GRM8: variants seen among roughly 807,000 people sequenced by gnomAD.
GRM8 encodes metabotropic glutamate receptor 8.
GRM8 carries 47 observed loss-of-function variants against 87.2 expected under a neutral mutation model. The ratio of observed to expected loss-of-function variants is 0.54; its 90% CI spans 0.43 to 0.69. GRM8 has a LOEUF of 0.69. Ranked by LOEUF, GRM8 falls within the 30% of genes least tolerant of loss-of-function variation. The probability of loss-of-function intolerance (pLI) is 0.00; values close to 1 mark genes in which losing one functional copy is unlikely to be tolerated. For synonymous variants in GRM8, 396 were observed against 404.5 expected (o/e 0.98, Z 0.25); for missense variants, 1,019 against 1,139.2 (o/e 0.89, Z 1.52).
At chr7:126,813,511 A>G (rs1238500195) in intron 6 of GRM8, among the ~76,000 whole-genome samples, 3 of 152,078 alleles carry the variant, frequency 2.0e-5, no homozygotes, top group African/African-American at 7.2e-5. Flanking sequence ...ATTTCTCTAT[A>G]AAACTACTCA....
intron 6 of GRM8, among the ~76,000 whole-genome samples, chr7:126,819,807 T>C (rs1360893680): frequency 1.3e-5 from 2 of 151,934 alleles, no homozygotes; most frequent in African/African-American, 4.8e-5. Flanking sequence ...TGTTGGGGAA[T>C]GGAAAAGACC....
At chr7:127,177,723 G>A (rs758733603) in intron 2 of GRM8, among the ~76,000 whole-genome samples, 32 of 152,146 alleles carry the variant, frequency 2.1e-4, no homozygotes, top group African/African-American at 6.0e-4. Flanking sequence ...GCAGTCTCAC[G>A]GGGTGGCTAG....
intron 8 of GRM8, among the ~76,000 whole-genome samples, chr7:126,589,488 C>A (rs904134908): frequency 1.3e-5 from 2 of 152,158 alleles, no homozygotes; most frequent in Admixed American, 6.5e-5. Flanking sequence ...CAAGGAGAAT[C>A]AGCTCAGACA....
At chr7:127,236,943 A>C (rs1053001797) in intron 2 of GRM8, among the ~76,000 whole-genome samples, 12 of 152,298 alleles carry the variant, frequency 7.9e-5, no homozygotes, top group African/African-American at 2.2e-4. Flanking sequence ...GTAGGTAAAC[A>C]ACTACAACCC....
At chr7:127,162,513 G>T (rs542995874) in intron 2 of GRM8, among the ~76,000 whole-genome samples, 1 of 152,172 alleles carries the variant, frequency 6.6e-6, no homozygotes, top group African/African-American at 2.4e-5. Flanking sequence ...ATGGTTGCCT[G>T]GGTAACCAAG....
chr7:127,240,630 A>G (rs1587358422), intron 2 of GRM8, among the ~76,000 whole-genome samples: 1 of 152,282 alleles, frequency 6.6e-6, no homozygotes, highest in East Asian at 1.9e-4. Context: ...GATTCTTAGG[A>G]AACTTTTCCT....
chr7:127,066,821 C>T (rs1480936926), intron 3 of GRM8, among the ~76,000 whole-genome samples: 1 of 152,186 alleles, frequency 6.6e-6, no homozygotes, highest in East Asian at 1.9e-4. Flanking sequence ...CCTTTGCTAG[C>T]CTCTGCTCTA....
At chr7:127,171,392 G>A (rs1341817994) in intron 2 of GRM8, among the ~76,000 whole-genome samples, 2 of 152,208 alleles carry the variant, frequency 1.3e-5, no homozygotes, top group South Asian at 4.1e-4. Context: ...ATTTTTGAAG[G>A]AAGTTCTAAC....
At chr7:126,761,617 G>C (rs1817596060) in intron 7 of GRM8, among the ~76,000 whole-genome samples, 1 of 152,052 alleles carries the variant, frequency 6.6e-6, no homozygotes, top group Non-Finnish European at 1.5e-5. Context: ...TGCTCAAAAA[G>C]CTCCATTCCT....
intron 3 of GRM8, among the ~76,000 whole-genome samples, chr7:127,056,657 C>T (rs1304651945): frequency 2.0e-5 from 3 of 152,172 alleles, no homozygotes; most frequent in African/African-American, 7.2e-5. Flanking sequence ...AAACAATATC[C>T]TGTAATCAAG....
At chr7:126,874,491 T>C (rs986603327) in intron 6 of GRM8, among the ~76,000 whole-genome samples, 2 of 152,074 alleles carry the variant, frequency 1.3e-5, no homozygotes, top group African/African-American at 4.8e-5. Context: ...TAAATAATAA[T>C]GATGGCTGTT....
intron 6 of GRM8, among the ~76,000 whole-genome samples, chr7:126,844,406 C>A (rs1013081293): frequency 6.6e-6 from 1 of 152,114 alleles, no homozygotes; most frequent in Non-Finnish European, 1.5e-5. Context: ...GTTTTGCAAT[C>A]GTATATAAAT....
chr7:126,723,295 T>C (rs1812629721), intron 7 of GRM8, among the ~76,000 whole-genome samples: 2 of 152,070 alleles, frequency 1.3e-5, no homozygotes, highest in South Asian at 4.1e-4. Flanking sequence ...TTTCTTTATT[T>C]CACCTATATT....
At chr7:126,775,214 T>A (rs1010009946) in intron 6 of GRM8, among the ~76,000 whole-genome samples, 2 of 151,832 alleles carry the variant, frequency 1.3e-5, no homozygotes, top group Non-Finnish European at 2.9e-5. Flanking sequence ...GAGAGAATGG[T>A]AGAGGAAGAA....
At chr7:126,847,846 A>G (rs1310322758) in intron 6 of GRM8, among the ~76,000 whole-genome samples, 10 of 152,288 alleles carry the variant, frequency 6.6e-5, no homozygotes, top group African/African-American at 2.4e-4. Context: ...ATGAGGAGAA[A>G]ATGTGGGATA....
At chr7:126,487,121 G>C (rs1349153032) in intron 9 of GRM8, among the ~76,000 whole-genome samples, 1 of 152,022 alleles carries the variant, frequency 6.6e-6, no homozygotes, top group African/African-American at 2.4e-5. Flanking sequence ...TCAAAGCAAA[G>C]TGTTATTGAG....
At chr7:127,008,179 T>A (rs910711751) in intron 3 of GRM8, among the ~76,000 whole-genome samples, 4 of 152,068 alleles carry the variant, frequency 2.6e-5, no homozygotes, top group African/African-American at 9.7e-5. Flanking sequence ...GATTATATGA[T>A]ACAAAGAGTA....
intron 9 of GRM8, among the ~76,000 whole-genome samples, chr7:126,520,872 T>C (rs151269142): frequency 1.3e-5 from 2 of 152,266 alleles, no homozygotes; most frequent in African/African-American, 4.8e-5. Flanking sequence ...TCGAATGTAA[T>C]TATTTCGTGC....
intron 3 of GRM8, among the ~76,000 whole-genome samples, chr7:126,997,096 T>C (rs190904739): frequency 1.2e-3 from 182 of 151,746 alleles, no homozygotes; most frequent in Non-Finnish European, 2.2e-3. Flanking sequence ...TAAAACATAT[T>C]CTCTGACCAC....
Sources: allele counts gnomAD v4.1 joint callset (sites outside exome capture counted in the v4.1 genomes callset), GRCh38; gene constraint gnomAD v4.1.1; transcripts MANE v1.5; gene names NCBI Gene and HGNC (gene_info 2026-07-23, HGNC 2026-07-21).